Variants in BBS2 observed in about 807,000 individuals in gnomAD.
BBS2 encodes Bardet-Biedl syndrome 2, also known as BBSome complex member BBS2.
Under a neutral mutation model 83.0 loss-of-function variants are expected in BBS2, and 62 were observed. The observed-to-expected ratio is 0.75, with a 90% CI of 0.61 to 0.92. The LOEUF is 0.92. Among genes scored for constraint, BBS2 ranks in the 40% least tolerant of loss-of-function variants. The pLI is 0.00. For missense variants in BBS2, 784 were observed against 901.0 expected (o/e 0.87, Z 1.66); for synonymous variants, 303 against 326.1 (o/e 0.93, Z 0.76).
chr16:56,482,574 T>A (rs2144088143), downstream of BBS2, among the ~76,000 whole-genome samples: 1 of 152,282 alleles, frequency 6.6e-6, no homozygotes, highest in East Asian at 1.9e-4. Flanking sequence ...CATATTCTCA[T>A]AATTAGGACT....
At chr16:56,483,298 A>C (rs1315524998), downstream of BBS2, among the ~76,000 whole-genome samples, 1 of 152,240 alleles carries the variant, frequency 6.6e-6, no homozygotes, top group Non-Finnish European at 1.5e-5. Context: ...ACATGGCTGT[A>C]AATAACCACA....
rs2144192648 is a variant in BBS2 at position 56,514,441 on chromosome 16, G to A, written c.345+12C>T. On this transcript the variant is annotated intron_variant, in intron 2 of 16. Transcript: ENST00000245157. ...GTAATGACAATTTTATGGTTATAAAGGTTATACTTGCCTCTCTGTAGAACA... is the reference window on the plus strand; with the variant it reads ...GTAATGACAATTTTATGGTTATAAAAGTTATACTTGCCTCTCTGTAGAACA... 3 of 1,607,888 alleles carry A rather than the reference G, an allele frequency of 1.9e-6. No individual in the cohort carries two copies. Among genetic ancestry groups the A allele is most frequent in the Non-Finnish European group, 2.6e-6 (3 of 1,174,514 alleles).
At chr16:56,501,291 AAAAAG>A in intron 10 of BBS2, 57 bp downstream of exon 10, 2 of 1,605,426 alleles carry the variant, frequency 1.2e-6, no homozygotes. Context: ...CAAAAAAAAA[AAAAAG>A]AATGACTCCA....
In BBS2 at chr16:56,519,886, GGGC is replaced by G. The variant is rs1304277580; in HGVS notation, c.-27_-25del. 2.5e-5 allele frequency: 39 copies of G among 1,590,120 alleles called. No homozygotes were observed. Among genetic ancestry groups the G allele is most frequent in the Non-Finnish European group, 3.3e-5 (38 of 1,158,578 alleles). ...ATGATGGCGGCGGCTTAGGGGAGGAGGGCTGGAAGCTGGAGACAAGCGCAGCGG... is the reference window on the plus strand; with the variant it reads ...ATGATGGCGGCGGCTTAGGGGAGGAGTGGAAGCTGGAGACAAGCGCAGCGG... On this transcript the variant is annotated 5_prime_UTR_variant, in exon 1 of 17. Coordinates refer to ENST00000245157, the MANE Select transcript of BBS2 (RefSeq NM_031885.5).
intron 15 of BBS2, among the ~76,000 whole-genome samples, chr16:56,487,995 C>G (rs7190348): frequency 0.077 from 11,746 of 152,098 alleles, 670 homozygotes; most frequent in East Asian, 0.15. Context: ...AGAGATGCTG[C>G]TGGTGGTGAT....
intron 10 of BBS2, 159 bp downstream of exon 10, chr16:56,501,194 C>G: frequency 7.8e-7 from 1 of 1,278,994 alleles, no homozygotes. Flanking sequence ...CCTGTAGTCC[C>G]AGCTACTTGG....
At chr16:56,473,077 C>G (rs1963277510) in intron 17 of BBS2, among the ~76,000 whole-genome samples, 1 of 152,148 alleles carries the variant, frequency 6.6e-6, no homozygotes, top group East Asian at 1.9e-4. Context: ...ACTACAGGCG[C>G]ATGCCACCAC....
chr16:56,495,970 G>A (rs1232837419), intron 15 of BBS2, among the ~76,000 whole-genome samples: 1 of 151,678 alleles, frequency 6.6e-6, no homozygotes, highest in East Asian at 1.9e-4. Flanking sequence ...AAGTTGGGTG[G>A]GTGGTATATA....
At position 56,471,203 on chromosome 16, in the gene BBS2, A is replaced by C. The variant is rs1963164576; in HGVS notation, c.*1-508T>G. On this transcript the variant is annotated intron_variant, in intron 17 of 17. Transcript: ENST00000682047. The stretch of plus-strand genomic sequence containing the variant: ...CCCGTCTCTACTAAAAATACAAAAA[A>C]AAAAAAAAATTTGCCAGGCATGGTG... 3.3e-5 allele frequency among the ~76,000 whole-genome samples: 5 copies of C among 151,514 alleles called. No homozygotes were observed. In the South Asian group the frequency reaches 8.4e-4, roughly 25 times the overall value.
At chr16:56,474,070 C>T (rs75355359) in intron 17 of BBS2, among the ~76,000 whole-genome samples, 11,769 of 151,908 alleles carry the variant, frequency 0.077, 677 homozygotes, top group East Asian at 0.16. Context: ...CAGAGGAGTA[C>T]TAACCTTCTG....
At chr16:56,490,199 A>G (rs1963911867) in intron 15 of BBS2, among the ~76,000 whole-genome samples, 1 of 152,140 alleles carries the variant, frequency 6.6e-6, no homozygotes, top group Non-Finnish European at 1.5e-5. Flanking sequence ...GGAAAATGAT[A>G]AAACTGAGTT....
At chr16:56,480,376 A>AAAAAAAAAAAC (rs1555519799), downstream of BBS2, among the ~76,000 whole-genome samples, 27 of 142,474 alleles carry the variant, frequency 1.9e-4, 1 homozygote, top group South Asian at 4.6e-4. Context: ...CAAAAAAAAA[A>AAAAAAAAAAAC]ACAAAGCTTG....
intron 4 of BBS2, among the ~76,000 whole-genome samples, chr16:56,510,380 AAG>A (rs1470004989): frequency 1.1e-4 from 16 of 152,204 alleles, no homozygotes; most frequent in Admixed American, 5.2e-4. Context: ...GTCCATGGAC[AAG>A]AGAGGGGCAA....
intron 1 of BBS2, among the ~76,000 whole-genome samples, chr16:56,516,961 G>C (rs992924818): frequency 9.2e-5 from 14 of 152,192 alleles, no homozygotes; most frequent in African/African-American, 3.4e-4. Flanking sequence ...TATCCATCCA[G>C]TTACACAGGA....
chr16:56,481,993 G>A (rs1460197673), downstream of BBS2, among the ~76,000 whole-genome samples: 3 of 152,108 alleles, frequency 2.0e-5, no homozygotes, highest in Non-Finnish European at 1.5e-5. Flanking sequence ...AAATTACTGT[G>A]AAAATAACCT....
chr16:56,507,949 CAA>C (rs1297115192), intron 5 of BBS2, among the ~76,000 whole-genome samples: 3 of 152,118 alleles, frequency 2.0e-5, no homozygotes, highest in Non-Finnish European at 4.4e-5. Flanking sequence ...GCATGGGCGA[CAA>C]GAGCGAAACT....
chr16:56,474,812 T>C, intron 17 of BBS2: 1 of 1,555,212 alleles, frequency 6.4e-7, no homozygotes, highest in Non-Finnish European at 8.7e-7. Flanking sequence ...TTTCTCATCT[T>C]TTTTTTTTTC....
chr16:56,518,364 T>G (rs901552569), intron 1 of BBS2, among the ~76,000 whole-genome samples: 1 of 152,222 alleles, frequency 6.6e-6, no homozygotes, highest in African/African-American at 2.4e-5. Context: ...CACTTTCTAG[T>G]TGAGTGGCTC....
intron 15 of BBS2, among the ~76,000 whole-genome samples, chr16:56,494,072 C>A (rs1964040291): frequency 6.6e-6 from 1 of 151,940 alleles, no homozygotes; most frequent in Non-Finnish European, 1.5e-5. Flanking sequence ...GATCTTCTTA[C>A]CTCTGCCTCC....
Sources: allele counts gnomAD v4.1 joint callset (sites outside exome capture counted in the v4.1 genomes callset), GRCh38; gene constraint gnomAD v4.1.1; transcripts MANE v1.5; gene names NCBI Gene and HGNC (gene_info 2026-07-23, HGNC 2026-07-21).